Variants in ATG5 observed in about 807,000 individuals in gnomAD.
ATG5 encodes the protein autophagy related 5, also known as autophagy protein 5.
ATG5 carries 14 observed loss-of-function variants against 36.5 expected under a neutral mutation model. The observed-to-expected ratio is 0.38, with a 90% CI of 0.25 to 0.60. ATG5 has a LOEUF of 0.60. ATG5 is among the 20% of genes least tolerant of loss of function. The pLI, the probability that ATG5 is intolerant of heterozygous loss-of-function variation, is 0.60. For synonymous variants in ATG5, 95 were observed against 101.5 expected, an observed-to-expected ratio of 0.94 and a Z score of 0.38; for missense variants, 195 against 326.7, an observed-to-expected ratio of 0.60 and a Z score of 3.11.
chr6:106,235,460 G>C (rs1562228159), intron 6 of ATG5, among the ~76,000 whole-genome samples: 1 of 151,176 alleles, frequency 6.6e-6, no homozygotes. Flanking sequence ...AACAGCACTT[G>C]GGTTTTCCTG....
At chr6:106,308,255 C>G (rs1395871693) in intron 3 of ATG5, 109 bp downstream of exon 3, 3 of 910,094 alleles carry the variant, frequency 3.3e-6, no homozygotes, top group Non-Finnish European at 4.5e-6. Context: ...ATGAGCTAGA[C>G]TAATGACTTC....
intron 6 of ATG5, among the ~76,000 whole-genome samples, chr6:106,211,493 G>A (rs1776849524): frequency 6.6e-6 from 1 of 152,190 alleles, no homozygotes; most frequent in Non-Finnish European, 1.5e-5. Flanking sequence ...GGTGGATCAT[G>A]AGGTCGGGAG....
chr6:106,293,627 C>T (rs1296423503), intron 3 of ATG5, among the ~76,000 whole-genome samples: 2 of 152,124 alleles, frequency 1.3e-5, no homozygotes, highest in Non-Finnish European at 2.9e-5. Flanking sequence ...TTAGGACTAT[C>T]CTTTACAAAC....
At chr6:106,264,074 T>C (rs1475610657) in intron 5 of ATG5, among the ~76,000 whole-genome samples, 1 of 152,086 alleles carries the variant, frequency 6.6e-6, no homozygotes, top group East Asian at 1.9e-4. Context: ...TCTAACCCAA[T>C]GCAAGGAAGC....
intron 2 of ATG5, among the ~76,000 whole-genome samples, chr6:106,312,179 T>C (rs1470347208): frequency 6.6e-6 from 1 of 151,938 alleles, no homozygotes; most frequent in African/African-American, 2.4e-5. Flanking sequence ...CAGTGGGGGA[T>C]GAAAGGGATC....
intron 4 of ATG5, among the ~76,000 whole-genome samples, chr6:106,281,549 T>A (rs1205618609): frequency 6.6e-6 from 1 of 152,234 alleles, no homozygotes; most frequent in East Asian, 1.9e-4. Flanking sequence ...ATTTAATGAA[T>A]ACACCACAAT....
intron 6 of ATG5, among the ~76,000 whole-genome samples, chr6:106,207,680 A>G (rs1776690616): frequency 6.6e-6 from 1 of 152,276 alleles, no homozygotes; most frequent in South Asian, 2.1e-4. Context: ...GCTGAAAATC[A>G]GACAATGTAT....
intron 2 of ATG5, among the ~76,000 whole-genome samples, chr6:106,314,565 T>TAATA (rs995556682): frequency 4.3e-4 from 66 of 151,970 alleles, no homozygotes; most frequent in African/African-American, 8.7e-4. Context: ...TCAAAATAAA[T>TAATA]AATAAATAAA....
intron 6 of ATG5, among the ~76,000 whole-genome samples, chr6:106,216,862 C>G (rs1193904073): frequency 6.6e-6 from 1 of 151,898 alleles, no homozygotes; most frequent in East Asian, 1.9e-4. Flanking sequence ...TACACACCAG[C>G]CTGGGCAACA....
chr6:106,194,293 C>T (rs527623788), intron 7 of ATG5, among the ~76,000 whole-genome samples: 6 of 152,116 alleles, frequency 3.9e-5, no homozygotes. Context: ...TGCCATCACA[C>T]TGACAAATGT....
intron 6 of ATG5, among the ~76,000 whole-genome samples, chr6:106,217,089 TAA>T (rs962603758): frequency 1.3e-5 from 2 of 151,998 alleles, no homozygotes; most frequent in Non-Finnish European, 2.9e-5. Context: ...GTGGGTTTTT[TAA>T]AAAAATTATA....
In ATG5 at chr6:106,201,275, ATGTGTG is replaced by A. The variant is rs138478446; in HGVS notation, c.691+691_691+696del. Among the ~76,000 whole-genome samples, 690 of 149,282 alleles carry A rather than the reference ATGTGTG, an allele frequency of 4.6e-3. 3 individuals carry two copies. The highest frequency in any genetic ancestry group is 0.013 in the African/African-American group (544 of 40,744). ...GTATATCTCAAGTATTCAAGTGTAT[ATGTGTG>A]TGTGTGTGTGTGTGTGTGTGTGTGT... On this transcript the variant is annotated intron_variant, in intron 7 of 7. Coordinates refer to ENST00000369076, the MANE Select transcript of ATG5 (RefSeq NM_004849.4).
At chr6:106,208,237 TATGTGTATATATACATCTGTGTAAACAC>T (rs1457134791) in intron 6 of ATG5, among the ~76,000 whole-genome samples, 5 of 152,190 alleles carry the variant, frequency 3.3e-5, no homozygotes, top group Non-Finnish European at 7.3e-5. Flanking sequence ...TGTAAACACA[TATGTGTATATATACATCTGTGTAAACAC>T]ATATGTATAT....
rs768015623 is a variant in ATG5, at chr6:106,248,132, T to A, written c.573+18A>T. The A allele has an allele frequency of 2.6e-6, 4 of 1,552,084 alleles. No homozygotes were observed. Among genetic ancestry groups the A allele is most frequent in the East Asian group, 2.2e-5 (1 of 44,456 alleles). ...GAGGCTTTCATAAATGGATGTTTTT[T>A]AAAATGTTATTTCCTACCTGATATA... On this transcript the variant is annotated intron_variant, in intron 6 of 7. Coordinates refer to ENST00000369076, the MANE Select transcript of ATG5 (RefSeq NM_004849.4).
At chr6:106,189,000 C>G (rs1171794813) in intron 7 of ATG5, among the ~76,000 whole-genome samples, 1 of 152,172 alleles carries the variant, frequency 6.6e-6, no homozygotes, top group East Asian at 1.9e-4. Flanking sequence ...AAGTTTCTCT[C>G]TTATTTGTTA....
chr6:106,289,568 A>C (rs1780221294), intron 4 of ATG5, among the ~76,000 whole-genome samples: 1 of 152,152 alleles, frequency 6.6e-6, no homozygotes, highest in African/African-American at 2.4e-5. Flanking sequence ...AAACTTTTCT[A>C]CTGGGAAGAA....
intron 6 of ATG5, among the ~76,000 whole-genome samples, chr6:106,214,160 C>T (rs1776953182): frequency 6.6e-6 from 1 of 152,116 alleles, no homozygotes; most frequent in Non-Finnish European, 1.5e-5. Flanking sequence ...TCAAATTTTA[C>T]ATCACATGGT....
chr6:106,310,680 T>C (rs1402415608), intron 2 of ATG5, among the ~76,000 whole-genome samples: 1 of 152,166 alleles, frequency 6.6e-6, no homozygotes, highest in African/African-American at 2.4e-5. Context: ...ATGGAAACTG[T>C]ACGTATTAAA....
Position 106,186,686 on chromosome 6 carries a change from G to A in ATG5, c.692-10C>T, listed in dbSNP as rs1203352964. On this transcript the variant is annotated splice_polypyrimidine_tract_variant and intron_variant, in intron 7 of 7. Transcript: ENST00000369076. ...TTCTTTTTTTCCCCATCTATTCCAA[G>A]AAAGAAACCCAACAACAATAAAAGT... 1 of 1,611,978 alleles carries A rather than the reference G, an allele frequency of 6.2e-7. No individual in the cohort carries two copies. Among genetic ancestry groups the A allele is most frequent in the Non-Finnish European group, 8.5e-7 (1 of 1,179,512 alleles).
Sources: gnomAD v4.1 joint callset for allele counts (sites outside exome capture counted in the v4.1 genomes callset) on GRCh38, gnomAD v4.1.1 for gene constraint, MANE v1.5 for transcripts, NCBI Gene and HGNC (gene_info 2026-07-23, HGNC 2026-07-21) for gene names.